Variants in SCHIP1 observed in about 807,000 individuals in gnomAD.
The protein encoded by SCHIP1 is schwannomin-interacting protein 1.
SCHIP1 carries 8 observed loss-of-function variants against 29.7 expected under a neutral mutation model. The observed-to-expected ratio is 0.27, with a 90% CI of 0.16 to 0.49. The LOEUF (loss-of-function observed/expected upper bound fraction) is 0.49, where lower values mean the gene tolerates loss of function less well. SCHIP1 is among the 20% of genes least tolerant of loss of function. The pLI is 0.99. For missense variants in SCHIP1, 193 were observed against 294.6 expected, an observed-to-expected ratio of 0.66 and a Z score of 2.52; for synonymous variants, 76 against 94.9, an observed-to-expected ratio of 0.80 and a Z score of 1.16.
chr3:159,583,447 ATTTAT>A, the SCHIP1 span, among the ~76,000 whole-genome samples: 11 of 152,152 alleles, frequency 7.2e-5, no homozygotes, highest in African/African-American at 2.7e-4. Flanking sequence ...ACGCTCCACT[ATTTAT>A]TTTGACAAGG....
At chr3:159,466,054 T>A in the SCHIP1 span, among the ~76,000 whole-genome samples, 2 of 152,114 alleles carry the variant, frequency 1.3e-5, no homozygotes, top group African/African-American at 2.4e-5. Flanking sequence ...TGAAAAAAAA[T>A]TTCTTTCAAA....
At chr3:159,663,541 T>C in the SCHIP1 span, among the ~76,000 whole-genome samples, 1 of 152,196 alleles carries the variant, frequency 6.6e-6, no homozygotes. Context: ...AAGCAGACCT[T>C]CAATTTCCTC....
the SCHIP1 span, among the ~76,000 whole-genome samples, chr3:159,318,280 G>C: frequency 6.6e-6 from 1 of 152,200 alleles, no homozygotes; most frequent in African/African-American, 2.4e-5. Flanking sequence ...ACCACTCAGA[G>C]AGGTCCATCC....
the SCHIP1 span, among the ~76,000 whole-genome samples, chr3:159,283,627 C>T: frequency 6.6e-6 from 1 of 152,118 alleles, no homozygotes; most frequent in African/African-American, 2.4e-5. Context: ...TGTTCCACCT[C>T]TAATTGGTTA....
the SCHIP1 span, among the ~76,000 whole-genome samples, chr3:159,600,068 G>A: frequency 6.6e-6 from 1 of 152,136 alleles, no homozygotes; most frequent in Non-Finnish European, 1.5e-5. Flanking sequence ...GATTTCTGCT[G>A]AGAAATCTGT....
At chr3:159,401,069 A>G in the SCHIP1 span, 3 of 395,036 alleles carry the variant, frequency 7.6e-6, no homozygotes, top group Non-Finnish European at 1.0e-5. Flanking sequence ...GACTAAATGA[A>G]TGCAAGTGAT....
chr3:159,484,495 A>C, the SCHIP1 span, among the ~76,000 whole-genome samples: 1 of 152,150 alleles, frequency 6.6e-6, no homozygotes, highest in Non-Finnish European at 1.5e-5. Context: ...TTGACACCAT[A>C]AGTTTTTCTA....
chr3:159,752,262 A>T, the SCHIP1 span, among the ~76,000 whole-genome samples: 1 of 152,226 alleles, frequency 6.6e-6, no homozygotes, highest in Non-Finnish European at 1.5e-5. Flanking sequence ...AAACTAAAAA[A>T]TACAAATAGA....
At chr3:159,437,446 A>C in the SCHIP1 span, among the ~76,000 whole-genome samples, 5,728 of 152,074 alleles carry the variant, frequency 0.038, 343 homozygotes, top group African/African-American at 0.13. Context: ...CTGCCTCAGG[A>C]CATGTTCTGT....
At chr3:159,737,482 T>C in the SCHIP1 span, among the ~76,000 whole-genome samples, 1 of 152,350 alleles carries the variant, frequency 6.6e-6, no homozygotes, top group African/African-American at 2.4e-5. Flanking sequence ...CAGTAACTTG[T>C]ACTTACTCTT....
At chr3:159,573,303 GC>G in the SCHIP1 span, among the ~76,000 whole-genome samples, 1 of 152,148 alleles carries the variant, frequency 6.6e-6, no homozygotes, top group African/African-American at 2.4e-5. Context: ...TGTAAGGCAG[GC>G]CTGGTGATGG....
intron 2 of SCHIP1, among the ~76,000 whole-genome samples, chr3:159,877,416 T>C (rs962671480): frequency 1.3e-5 from 2 of 152,230 alleles, no homozygotes; most frequent in Non-Finnish European, 2.9e-5. Context: ...TGCAATCTTA[T>C]TGATCCACTG....
intron 1 of SCHIP1, among the ~76,000 whole-genome samples, chr3:159,850,618 A>G (rs1278485361): frequency 1.3e-5 from 2 of 151,880 alleles, no homozygotes; most frequent in East Asian, 1.9e-4. Flanking sequence ...TAATTGGCTC[A>G]TGGTTCTGCT....
the SCHIP1 span, among the ~76,000 whole-genome samples, chr3:159,671,557 C>T: frequency 0.014 from 2,061 of 152,244 alleles, 27 homozygotes; most frequent in Non-Finnish European, 0.019. Context: ...ATCTGTAAGT[C>T]AGAAGTCTTC....
chr3:159,467,516 A>G, the SCHIP1 span, among the ~76,000 whole-genome samples: 1 of 152,054 alleles, frequency 6.6e-6, no homozygotes, highest in African/African-American at 2.4e-5. Context: ...AAATAAAAAG[A>G]ACTGGCCAGT....
At chr3:159,297,791 C>T in the SCHIP1 span, among the ~76,000 whole-genome samples, 12 of 152,100 alleles carry the variant, frequency 7.9e-5, no homozygotes, top group African/African-American at 2.9e-4. Context: ...AATGATCTTC[C>T]CCCTAGTAGC....
At chr3:159,410,959 T>C in the SCHIP1 span, among the ~76,000 whole-genome samples, 2 of 152,128 alleles carry the variant, frequency 1.3e-5, no homozygotes, top group Non-Finnish European at 2.9e-5. Context: ...AAGAATGAGA[T>C]GCTATCATTT....
chr3:159,643,836 A>G, the SCHIP1 span, among the ~76,000 whole-genome samples: 2 of 151,956 alleles, frequency 1.3e-5, no homozygotes, highest in South Asian at 4.1e-4. Context: ...CTCATCCAAC[A>G]TATGTTGACT....
chr3:159,671,650 T>A, the SCHIP1 span, among the ~76,000 whole-genome samples: 30 of 152,306 alleles, frequency 2.0e-4, no homozygotes, highest in Middle Eastern at 6.8e-3. Flanking sequence ...ACTGGCAGTG[T>A]GGTGCAGATG....
Sources: allele counts gnomAD v4.1 joint callset (sites outside exome capture counted in the v4.1 genomes callset), GRCh38; gene constraint gnomAD v4.1.1; transcripts MANE v1.5; gene names NCBI Gene and HGNC (gene_info 2026-07-23, HGNC 2026-07-21).